GRIA4: variants seen among roughly 807,000 people sequenced by gnomAD.
The protein encoded by GRIA4 is glutamate ionotropic receptor AMPA type subunit 4.
Under a neutral mutation model 104.0 loss-of-function variants are expected in GRIA4, and 34 were observed. That is an observed-to-expected ratio of 0.33 (90% CI 0.25 to 0.44). The LOEUF (loss-of-function observed/expected upper bound fraction) is 0.44, where lower values mean the gene tolerates loss of function less well. GRIA4 is among the 20% of genes least tolerant of loss of function. The pLI is 1.00. For synonymous variants in GRIA4, 386 were observed against 381.9 expected, an observed-to-expected ratio of 1.01 and a Z score of -0.13; for missense variants, 750 against 1,096.5, an observed-to-expected ratio of 0.68 and a Z score of 4.46.
At chr11:105,665,515 G>A (rs1006746475) in intron 3 of GRIA4, among the ~76,000 whole-genome samples, 2 of 151,996 alleles carry the variant, frequency 1.3e-5, no homozygotes, top group Admixed American at 1.3e-4. Flanking sequence ...GGACCAGAGA[G>A]GATACTGCAG....
intron 4 of GRIA4, among the ~76,000 whole-genome samples, chr11:105,797,113 A>G (rs1223323121): frequency 6.6e-6 from 1 of 151,936 alleles, no homozygotes; most frequent in East Asian, 1.9e-4. Flanking sequence ...AGAGGCTGAG[A>G]TGGGAGGATG....
intron 7 of GRIA4, among the ~76,000 whole-genome samples, chr11:105,901,023 G>A (rs1946835585): frequency 1.3e-5 from 2 of 151,998 alleles, no homozygotes; most frequent in South Asian, 4.2e-4. Flanking sequence ...ATTTGATTGG[G>A]CAATTCTCAT....
chr11:105,906,135 G>A (rs1947034371), intron 9 of GRIA4, among the ~76,000 whole-genome samples: 1 of 152,072 alleles, frequency 6.6e-6, no homozygotes, highest in Non-Finnish European at 1.5e-5. Flanking sequence ...AATGATAACT[G>A]CAATTTATGA....
intron 3 of GRIA4, among the ~76,000 whole-genome samples, chr11:105,724,883 G>GA (rs36009602): frequency 1.3e-5 from 2 of 151,886 alleles, no homozygotes; most frequent in East Asian, 1.9e-4. Flanking sequence ...GTTGTTGAGG[G>GA]AAAAAAACAT....
At chr11:105,873,454 T>C (rs965767539) in intron 5 of GRIA4, among the ~76,000 whole-genome samples, 1 of 152,200 alleles carries the variant, frequency 6.6e-6, no homozygotes, top group African/African-American at 2.4e-5. Flanking sequence ...ATGGGATTGC[T>C]GGGTCAAATG....
intron 14 of GRIA4, among the ~76,000 whole-genome samples, chr11:105,948,363 G>A (rs1948369169): frequency 6.6e-6 from 1 of 151,998 alleles, no homozygotes; most frequent in African/African-American, 2.4e-5. Context: ...AGAATTTAAT[G>A]GAAAATTTAT....
In GRIA4 at chr11:105,800,485, C is replaced by T. The variant is rs558245985; in HGVS notation, c.487+47265C>T. On this transcript the variant is annotated intron_variant, in intron 4 of 16. Transcript: ENST00000282499. Reference sequence around the variant, plus strand: ...GTACCTATGCCTTGGAACACTCAGTCTAGACTTTTCAAATTATGTCAAATT... The same window carrying T: ...GTACCTATGCCTTGGAACACTCAGTTTAGACTTTTCAAATTATGTCAAATT... 9.2e-5 allele frequency among the ~76,000 whole-genome samples: 14 copies of T among 152,072 alleles called. No individual in the cohort carries two copies. The East Asian group carries it at 2.7e-3, about 29-fold the overall frequency.
intron 3 of GRIA4, among the ~76,000 whole-genome samples, chr11:105,660,871 A>T (rs1951987013): frequency 6.6e-6 from 1 of 151,682 alleles, no homozygotes; most frequent in Non-Finnish European, 1.5e-5. Context: ...CATTATCATA[A>T]TAACGTAAAC....
chr11:105,897,225 G>T (rs1261128807), intron 6 of GRIA4, among the ~76,000 whole-genome samples: 1 of 151,930 alleles, frequency 6.6e-6, no homozygotes, highest in African/African-American at 2.4e-5. Flanking sequence ...AGTGTTGTTG[G>T]CTATAGAAAT....
intron 4 of GRIA4, among the ~76,000 whole-genome samples, chr11:105,774,088 A>G (rs973319873): frequency 6.6e-6 from 1 of 151,594 alleles, no homozygotes; most frequent in Admixed American, 6.6e-5. Flanking sequence ...AAATTAGTAG[A>G]TTACAGAAAA....
chr11:105,658,200 T>C (rs548088285), intron 3 of GRIA4, among the ~76,000 whole-genome samples: 37 of 151,954 alleles, frequency 2.4e-4, no homozygotes, highest in African/African-American at 8.9e-4. Context: ...GAAATAGGTA[T>C]AGAAATTAAT....
Position 105,735,396 on chromosome 11 carries a change from G to A in GRIA4, c.248-17585G>A, listed in dbSNP as rs189838444. 7.9e-5 allele frequency among the ~76,000 whole-genome samples: 12 copies of A among 152,200 alleles called. No homozygotes were observed. In the East Asian group the frequency reaches 2.1e-3, roughly 27 times the overall value. ...GATTAAATATTTGAATAATTAAAAT[G>A]TGCTCAGACCCATTAGCAAATATCC... is the stretch of plus-strand genomic sequence containing the variant. On this transcript the variant is annotated intron_variant, in intron 3 of 16. Transcript: ENST00000282499.
At chr11:105,762,581 T>C (rs1940715007) in intron 4 of GRIA4, among the ~76,000 whole-genome samples, 1 of 152,218 alleles carries the variant, frequency 6.6e-6, no homozygotes, top group Non-Finnish European at 1.5e-5. Flanking sequence ...TTTGGCTCTG[T>C]GTCCCCACCC....
chr11:105,753,029 A>T lies in GRIA4; in HGVS notation c.296A>T (p.Asp99Val). 2.5e-6 allele frequency: 4 copies of T among 1,613,186 alleles called. No individual in the cohort carries two copies. The highest frequency in any genetic ancestry group is 1.1e-5 in the South Asian group (1 of 91,062). Residue 99 changes from aspartate to valine, a missense_variant, in exon 4 of 17, where the codon GAT becomes GTT. By Grantham distance (152) the Asp-to-Val change is radical. This residue lies in a region of GRIA4 where 410 missense variants were observed against 502.7 expected (regional missense o/e 0.82). Coordinates refer to ENST00000282499, the MANE Select transcript of GRIA4 (RefSeq NM_000829.4). ...GTATTTGCCATTTTTGGACTCTATG[A>T]TAAGAGGTCGGTACATACCTTGACC... is the stretch of plus-strand genomic sequence containing the variant. ...RGVFAIFGLY[D>V]KRSVHTLTSF...
At chr11:105,671,348 G>T (rs1952357635) in intron 3 of GRIA4, among the ~76,000 whole-genome samples, 1 of 151,934 alleles carries the variant, frequency 6.6e-6, no homozygotes, top group Non-Finnish European at 1.5e-5. Context: ...TTTCATTTTT[G>T]ACTTTGATAA....
chr11:105,632,614 A>ACT (rs1951063426), intron 3 of GRIA4, among the ~76,000 whole-genome samples: 1 of 152,180 alleles, frequency 6.6e-6, no homozygotes, highest in African/African-American at 2.4e-5. Flanking sequence ...AGAAATATCT[A>ACT]AAGCAATGTG....
intron 3 of GRIA4, among the ~76,000 whole-genome samples, chr11:105,645,556 A>G (rs1005755760): frequency 3.9e-5 from 6 of 152,242 alleles, no homozygotes; most frequent in Non-Finnish European, 7.3e-5. Flanking sequence ...GGAATTGCCC[A>G]GATTAAGAAG....
intron 3 of GRIA4, among the ~76,000 whole-genome samples, chr11:105,672,292 T>C (rs2135441257): frequency 6.6e-6 from 1 of 152,232 alleles, no homozygotes; most frequent in African/African-American, 2.4e-5. Context: ...CACATAAAAC[T>C]GGGCCAAGTG....
rs1859258641 is a variant in GRIA4 at position 105,981,720 on chromosome 11, A to G, written c.*1981A>G. 6.6e-6 allele frequency: 1 copy of G among 152,630 alleles called. No homozygotes were observed. Among genetic ancestry groups the G allele is most frequent in the Non-Finnish European group, 1.5e-5 (1 of 68,198 alleles). 9.5% of individuals were successfully genotyped at this position (152,630 alleles called of 1,614,324 possible). On this transcript the variant is annotated 3_prime_UTR_variant, in exon 17 of 17. Transcript: ENST00000282499. Reference sequence around the variant, plus strand: ...TATTCCCGTCAGCAAATGAACCTCCAAAGCAGCACATGGAGCACTGCATAG... The same window carrying G: ...TATTCCCGTCAGCAAATGAACCTCCGAAGCAGCACATGGAGCACTGCATAG...
Sources: gnomAD v4.1 joint callset for allele counts (sites outside exome capture counted in the v4.1 genomes callset) on GRCh38, gnomAD v4.1.1 for gene constraint, gnomAD v4.1.1 regional missense constraint, MANE v1.5 for transcripts, NCBI Gene and HGNC (gene_info 2026-07-23, HGNC 2026-07-21) for gene names.